Variants in FRAS1 observed in about 807,000 individuals in gnomAD.
The protein encoded by FRAS1 is extracellular matrix organizing protein FRAS1.
A neutral mutation model predicts 435.2 loss-of-function variants in FRAS1; 290 were observed. The ratio of observed to expected loss-of-function variants is 0.67; its 90% confidence interval spans 0.61 to 0.73. The LOEUF (loss-of-function observed/expected upper bound fraction) is 0.73, where lower values mean the gene tolerates loss of function less well. Ranked by LOEUF, FRAS1 falls within the 30% of genes least tolerant of loss-of-function variation. The pLI is 0.00. For synonymous variants in FRAS1, 1,800 were observed against 1,851.0 expected (o/e 0.97, Z 0.71); for missense variants, 4,860 against 5,001.5 (o/e 0.97, Z 0.85).
At chr4:78,303,400 C>G (rs1728527298) in intron 14 of FRAS1, among the ~76,000 whole-genome samples, 3 of 152,158 alleles carry the variant, frequency 2.0e-5, no homozygotes, top group African/African-American at 7.2e-5. Flanking sequence ...TGAAGAAAGT[C>G]ATTGGTAGCT....
chr4:78,246,270 C>T (rs917668278), intron 4 of FRAS1, among the ~76,000 whole-genome samples: 1 of 152,178 alleles, frequency 6.6e-6, no homozygotes, highest in African/African-American at 2.4e-5. Flanking sequence ...AAGTTAGTGT[C>T]TCTTTATTCA....
chr4:78,387,714 C>T lies in FRAS1; in HGVS notation c.3975+13C>T. 1 of 1,475,094 alleles carries T rather than the reference C, an allele frequency of 6.8e-7. No homozygotes were observed. The highest frequency in any genetic ancestry group is 9.1e-7 in the Non-Finnish European group (1 of 1,103,716). The allele number at this position is 1,475,094 out of a possible 1,614,324, so 91.4% of individuals were successfully genotyped here. Reference sequence around the variant, plus strand: ...GACCGTGCCTCAGGTAGGTGTCATTCCTAGAGTTACAGTTTCTTTGCACCT... The same window carrying T: ...GACCGTGCCTCAGGTAGGTGTCATTTCTAGAGTTACAGTTTCTTTGCACCT... On this transcript the variant is annotated intron_variant, in intron 29 of 73. Coordinates refer to ENST00000512123, the MANE Select transcript of FRAS1 (RefSeq NM_025074.7).
Position 78,478,122 on chromosome 4 carries a change from A to G in FRAS1, c.8098+61A>G, listed in dbSNP as rs545673648. 1.3e-4 allele frequency: 197 copies of G among 1,490,266 alleles called. 1 individual carries two copies. In the African/African-American group the frequency reaches 2.0e-3, roughly 15 times the overall value. 92.3% of individuals were successfully genotyped at this position (1,490,266 alleles called of 1,614,324 possible). On this transcript the variant is annotated intron_variant, in intron 55 of 73. Coordinates refer to ENST00000512123, the MANE Select transcript of FRAS1 (RefSeq NM_025074.7). ...AATTGCTAACATTTATTGAGTTCCT[A>G]TTATGTGCTAAGCACTCATCTCATG... is the stretch of plus-strand genomic sequence containing the variant.
intron 20 of FRAS1, among the ~76,000 whole-genome samples, chr4:78,343,854 G>A (rs966881208): frequency 2.6e-5 from 4 of 152,196 alleles, no homozygotes; most frequent in Admixed American, 2.6e-4. Flanking sequence ...CCAGAGAAGT[G>A]AGAGCCAGTT....
intron 20 of FRAS1, among the ~76,000 whole-genome samples, chr4:78,339,382 C>T (rs1730310850): frequency 6.6e-6 from 1 of 152,208 alleles, no homozygotes; most frequent in Admixed American, 6.5e-5. Context: ...GTCTTCCAGG[C>T]TACTTAAGGA....
chr4:78,418,309 G>A (rs992420051), intron 32 of FRAS1, among the ~76,000 whole-genome samples: 3 of 152,158 alleles, frequency 2.0e-5, no homozygotes, highest in South Asian at 2.1e-4. Context: ...CTTTTTTGGT[G>A]TTTGGGGTGG....
intron 23 of FRAS1, among the ~76,000 whole-genome samples, chr4:78,371,780 T>G (rs537658829): frequency 6.6e-6 from 1 of 152,230 alleles, no homozygotes; most frequent in Non-Finnish European, 1.5e-5. Context: ...AAACATGAGT[T>G]TTCTGACTGC....
At chr4:78,142,589 G>A (rs1720241340) in intron 2 of FRAS1, among the ~76,000 whole-genome samples, 1 of 152,036 alleles carries the variant, frequency 6.6e-6, no homozygotes, top group African/African-American at 2.4e-5. Flanking sequence ...GCTCTCAGAT[G>A]GAGGCTCAGA....
At chr4:78,074,237 GA>G (rs1740517780) in intron 2 of FRAS1, among the ~76,000 whole-genome samples, 1 of 152,102 alleles carries the variant, frequency 6.6e-6, no homozygotes, top group African/African-American at 2.4e-5. Flanking sequence ...TTCCATTCTT[GA>G]AATGGTTCAG....
At chr4:78,369,358 G>C (rs1205743899) in intron 22 of FRAS1, among the ~76,000 whole-genome samples, 1 of 152,158 alleles carries the variant, frequency 6.6e-6, no homozygotes, top group Non-Finnish European at 1.5e-5. Context: ...TTGTAACTAG[G>C]CAAATCAATA....
intron 9 of FRAS1, among the ~76,000 whole-genome samples, chr4:78,273,957 G>A (rs1358784635): frequency 6.6e-6 from 1 of 152,042 alleles, no homozygotes; most frequent in East Asian, 1.9e-4. Context: ...ACTTTTTTTG[G>A]TTGGTAGGCT....
Position 78,372,718 on chromosome 4 carries a change from A to G in FRAS1, c.2870A>G (p.Glu957Gly). The change falls in exon 24 of 74, where the codon GAG (glutamate) becomes GGG (glycine). Residue 957 changes from glutamate to glycine, a missense_variant and splice_region_variant. Transcript: ENST00000512123. ...AATCTAATGCAGACTTTCTTTTTAG[A>G]GTGTGATTGGAGCTGCAGTGCATGC... ...YLDFSTNTCK[E>G]CDWSCSACSG... 6.2e-7 allele frequency: 1 copy of G among 1,612,418 alleles called. No individual in the cohort carries two copies. Among genetic ancestry groups the G allele is most frequent in the Non-Finnish European group, 8.5e-7 (1 of 1,179,760 alleles).
intron 18 of FRAS1, among the ~76,000 whole-genome samples, chr4:78,320,097 T>C (rs1729440297): frequency 6.6e-6 from 1 of 152,210 alleles, no homozygotes; most frequent in Non-Finnish European, 1.5e-5. Context: ...TGGAACATGA[T>C]GGGGAATCCC....
At chr4:78,354,195 C>T (rs1393345094) in intron 20 of FRAS1, among the ~76,000 whole-genome samples, 7 of 152,264 alleles carry the variant, frequency 4.6e-5, no homozygotes, top group South Asian at 2.1e-4. Context: ...TCGGCTCCTA[C>T]GGCAGCCTTC....
At chr4:78,460,855 T>C (rs1432961382) in intron 47 of FRAS1, among the ~76,000 whole-genome samples, 2 of 152,240 alleles carry the variant, frequency 1.3e-5, no homozygotes, top group African/African-American at 4.8e-5. Flanking sequence ...TGACCAAAAC[T>C]GAAATGTCAT....
In FRAS1 at chr4:78,429,025, C is replaced by T. The variant is rs961657531; in HGVS notation, c.4712-70C>T. On this transcript the variant is annotated intron_variant, in intron 35 of 73. Transcript: ENST00000512123. ...AAGAGGACCAGACTACAAGTTGATT[C>T]GTGTGTGTGTGTGCGTGTCTCTGTG... The T allele has an allele frequency of 1.9e-5, 27 of 1,428,004 alleles. No homozygotes were observed. The Admixed American group carries it at 2.1e-4, about 11-fold the overall frequency. 88.5% of individuals were successfully genotyped at this position (1,428,004 alleles called of 1,614,324 possible).
At chr4:78,335,716 T>C (rs367885) in intron 19 of FRAS1, among the ~76,000 whole-genome samples, 14,625 of 152,186 alleles carry the variant, frequency 0.096, 2,116 homozygotes, top group African/African-American at 0.32. Flanking sequence ...TACAGCAGAA[T>C]AGAGCAAAAG....
chr4:78,219,159 G>A (rs570534454), intron 2 of FRAS1, among the ~76,000 whole-genome samples: 49 of 151,974 alleles, frequency 3.2e-4, no homozygotes, highest in African/African-American at 1.1e-3. Context: ...TCTTATTAGG[G>A]AAGATCTATT....
chr4:78,515,859 G>T lies in FRAS1; in HGVS notation c.10235G>T (p.Arg3412Leu), dbSNP rs570546002. The T allele has an allele frequency of 2.5e-6, 4 of 1,613,808 alleles. No individual in the cohort carries two copies. The highest frequency in any genetic ancestry group is 2.7e-5 in the African/African-American group (2 of 74,896). The stretch of plus-strand genomic sequence containing the variant: ...ACTGCCCTGGGGCCTGGCTACGATC[G>T]CCCCTTCCAGTTTGACCCCAGCGTG... ...DSTALGPGYD[R>L]PFQFDPSVRE... The change falls in exon 66 of 74, where the codon CGC (arginine) becomes CTC (leucine). Residue 3412 changes from arginine (R) to leucine (L), a missense_variant. By Grantham distance (102) the Arg-to-Leu change is moderately radical. Transcript: ENST00000512123.
Sources: allele counts gnomAD v4.1 joint callset (sites outside exome capture counted in the v4.1 genomes callset), GRCh38; gene constraint gnomAD v4.1.1; transcripts MANE v1.5; gene names NCBI Gene and HGNC (gene_info 2026-07-23, HGNC 2026-07-21).